The following BCL2 variants were observed in gnomAD, a reference collection of about 807,000 sequenced individuals.
The protein encoded by BCL2 is apoptosis regulator Bcl-2.
A neutral mutation model predicts 14.2 loss-of-function variants in BCL2; 1 was observed. That is an observed-to-expected ratio of 0.07 (90% CI 0.02 to 0.33). BCL2 has a LOEUF of 0.33. Among genes scored for constraint, BCL2 ranks in the 10% least tolerant of loss-of-function variants. The pLI is 0.99. For missense variants in BCL2, 247 were observed against 305.9 expected (o/e 0.81, Z 1.44); for synonymous variants, 151 against 137.2 (o/e 1.10, Z -0.70).
intron 2 of BCL2, chr18:63,302,371 C>G (rs1912988946): frequency 1.0e-6 from 1 of 984,794 alleles, no homozygotes; most frequent in East Asian, 1.1e-4. Context: ...TTCAGTTCAA[C>G]TAACACAGAG....
Position 63,198,834 on chromosome 18 carries a change from C to G in BCL2, c.586-70075G>C, listed in dbSNP as rs1485965242. ...AGACACACAGACACACAGACATACA[C>G]AGACACACATAGACACAGAGACACA... On this transcript the variant is annotated intron_variant, in intron 2 of 2. Coordinates refer to ENST00000333681, the MANE Select transcript of BCL2 (RefSeq NM_000633.3). Among the ~76,000 whole-genome samples, 2 of 150,392 alleles carry G rather than the reference C, an allele frequency of 1.3e-5. 1 individual carries two copies. Among genetic ancestry groups the G allele is most frequent in the Non-Finnish European group, 3.0e-5 (2 of 67,506 alleles).
chr18:63,240,725 G>C (rs1430419077), intron 2 of BCL2, among the ~76,000 whole-genome samples: 2 of 152,198 alleles, frequency 1.3e-5, no homozygotes, highest in Non-Finnish European at 2.9e-5. Flanking sequence ...AACTACCACA[G>C]CAATTTAGCT....
intron 2 of BCL2, among the ~76,000 whole-genome samples, chr18:63,299,008 T>C (rs1912879499): frequency 6.6e-6 from 1 of 152,148 alleles, no homozygotes. Context: ...CCCAAACAGC[T>C]GTAATGGGTC....
At chr18:63,232,630 C>T (rs1467874911) in intron 2 of BCL2, among the ~76,000 whole-genome samples, 1 of 152,138 alleles carries the variant, frequency 6.6e-6, no homozygotes, top group African/African-American at 2.4e-5. Flanking sequence ...ATTTTAAAAG[C>T]CCAACAATGT....
At chr18:63,289,032 G>A (rs1484121747) in intron 2 of BCL2, among the ~76,000 whole-genome samples, 1 of 152,170 alleles carries the variant, frequency 6.6e-6, no homozygotes, top group Non-Finnish European at 1.5e-5. Flanking sequence ...AGTAAAGTAA[G>A]AGATAGCAAA....
At position 63,289,321 on chromosome 18, in the gene BCL2, C is replaced by T. The variant is rs188193749; in HGVS notation, c.585+28761G>A. On this transcript the variant is annotated intron_variant, in intron 2 of 2. Transcript: ENST00000333681. ...AAGGTGGTAAAGATTTAGAAATCAG[C>T]GGGGTCACTCCCAACAGGGATACTG... is the stretch of plus-strand genomic sequence containing the variant. Among the ~76,000 whole-genome samples the T allele has an allele frequency of 1.3e-3, 199 of 152,204 alleles. 1 individual carries two copies. Among genetic ancestry groups the T allele is most frequent in the African/African-American group, 3.9e-3 (160 of 41,530 alleles).
intron 2 of BCL2, among the ~76,000 whole-genome samples, chr18:63,140,939 T>C (rs1914340220): frequency 6.6e-6 from 1 of 152,192 alleles, no homozygotes; most frequent in African/African-American, 2.4e-5. Context: ...TAATGAGGAA[T>C]GAGACGCTGC....
intron 2 of BCL2, among the ~76,000 whole-genome samples, chr18:63,185,426 T>C (rs953854146): frequency 1.3e-5 from 2 of 152,160 alleles, no homozygotes; most frequent in African/African-American, 4.8e-5. Flanking sequence ...AAAGTGTCCT[T>C]ACAAATATCC....
chr18:63,135,142 G>A (rs934561492), intron 2 of BCL2, among the ~76,000 whole-genome samples: 2 of 152,196 alleles, frequency 1.3e-5, no homozygotes, highest in Non-Finnish European at 2.9e-5. Context: ...AAGGAAATTC[G>A]TGGTGGACAG....
chr18:63,299,301 A>G (rs575098684), intron 2 of BCL2, among the ~76,000 whole-genome samples: 1 of 152,304 alleles, frequency 6.6e-6, no homozygotes, highest in African/African-American at 2.4e-5. Context: ...GCCTTGCGCT[A>G]AGCACTGAGT....
chr18:63,305,049 T>A (rs1436833488), intron 2 of BCL2, among the ~76,000 whole-genome samples: 1 of 152,186 alleles, frequency 6.6e-6, no homozygotes, highest in Non-Finnish European at 1.5e-5. Context: ...CTTCAGCTCA[T>A]GTCCAAGCCC....
chr18:63,241,789 G>A (rs1911009054), intron 2 of BCL2, among the ~76,000 whole-genome samples: 1 of 152,228 alleles, frequency 6.6e-6, no homozygotes, highest in Admixed American at 6.5e-5. Context: ...GTCCCGGCCT[G>A]CCACCCTGGC....
chr18:63,241,455 CAT>C (rs1355975169), intron 2 of BCL2, among the ~76,000 whole-genome samples: 1 of 152,072 alleles, frequency 6.6e-6, no homozygotes, highest in Non-Finnish European at 1.5e-5. Context: ...GTAGTTTTGC[CAT>C]TTACGTCATC....
At chr18:63,145,309 G>A (rs1250297414) in intron 2 of BCL2, among the ~76,000 whole-genome samples, 2 of 152,160 alleles carry the variant, frequency 1.3e-5, no homozygotes, top group African/African-American at 4.8e-5. Context: ...TCCACACCAC[G>A]GACAGAGCAT....
At chr18:63,246,075 G>T (rs906709489) in intron 2 of BCL2, among the ~76,000 whole-genome samples, 1 of 152,144 alleles carries the variant, frequency 6.6e-6, no homozygotes, top group African/African-American at 2.4e-5. Flanking sequence ...TTCACACTGG[G>T]TTCACCAGCA....
At chr18:63,278,173 G>A (rs987911007) in intron 2 of BCL2, among the ~76,000 whole-genome samples, 3 of 152,156 alleles carry the variant, frequency 2.0e-5, no homozygotes, top group Non-Finnish European at 4.4e-5. Context: ...AAATTATCAG[G>A]AAGAAATACT....
At position 63,128,302 on chromosome 18, in the gene BCL2, G is replaced by A. The variant is rs757162378; in HGVS notation, c.*323C>T. Reference sequence around the variant, plus strand: ...GAACATCCAGGTGGAGCCACACGAAGCGGTGCTTGGCAATTAGTGGTCGGA... The same window carrying A: ...GAACATCCAGGTGGAGCCACACGAAACGGTGCTTGGCAATTAGTGGTCGGA... On this transcript the variant is annotated 3_prime_UTR_variant, in exon 3 of 3. Transcript: ENST00000333681. 3.7e-4 allele frequency: 95 copies of A among 258,808 alleles called. No homozygotes were observed. Among genetic ancestry groups the A allele is most frequent in the Non-Finnish European group, 6.0e-4 (81 of 134,070 alleles). The allele number at this position is 258,808 out of a possible 1,614,324, so 16.0% of individuals were successfully genotyped here. A position where few individuals can be genotyped will look rare whatever the true frequency, so the allele number is the denominator to read the frequency against.
At chr18:63,313,999 A>G (rs1489649344) in intron 2 of BCL2, 1 of 152,222 alleles carries the variant, frequency 6.6e-6, no homozygotes, top group Admixed American at 6.5e-5. Flanking sequence ...TGGACGTTAA[A>G]TAGCAACAAA....
At chr18:63,135,728 C>T (rs191481592) in intron 2 of BCL2, among the ~76,000 whole-genome samples, 5 of 152,280 alleles carry the variant, frequency 3.3e-5, no homozygotes, top group South Asian at 2.1e-4. Flanking sequence ...CAATTTCAAT[C>T]GCATCCTTCC....
Sources: allele counts gnomAD v4.1 joint callset (sites outside exome capture counted in the v4.1 genomes callset), GRCh38; gene constraint gnomAD v4.1.1; transcripts MANE v1.5; gene names NCBI Gene and HGNC (gene_info 2026-07-23, HGNC 2026-07-21).